The following METTL2A variants were observed in gnomAD, a reference collection of about 807,000 sequenced individuals.
METTL2A encodes the protein tRNA N(3)-cytidine methyltransferase METTL2A.
In METTL2A, 45 loss-of-function variants were observed where a neutral mutation model predicts 49.4. The observed-to-expected ratio is 0.91, with a 90% CI of 0.72 to 1.17. The LOEUF is 1.17. Among genes scored for constraint, METTL2A ranks in the 50% most tolerant of loss-of-function variants. The pLI is 0.00. For synonymous variants in METTL2A, 118 were observed against 167.5 expected (o/e 0.70, Z 2.28); for missense variants, 361 against 462.2 (o/e 0.78, Z 2.01).
chr17:62,452,618 G>A lies in METTL2A; in HGVS notation c.*3889G>A, dbSNP rs973674070. 1.3e-4 allele frequency among the ~76,000 whole-genome samples: 19 copies of A among 151,996 alleles called. No individual in the cohort carries two copies. Among genetic ancestry groups the A allele is most frequent in the Middle Eastern group, 3.2e-3 (1 of 316 alleles). On this transcript the variant is annotated 3_prime_UTR_variant, in exon 9 of 9. Coordinates refer to ENST00000311506, the MANE Select transcript of METTL2A (RefSeq NM_181725.4). ...GGACCCATGGGTATTTGAGTTTCTT[G>A]TGGGGTTATTTGTTGTTGTTTTTGA...
chr17:62,428,596 A>G (rs1041279856), intron 4 of METTL2A, among the ~76,000 whole-genome samples: 1 of 152,228 alleles, frequency 6.6e-6, no homozygotes, highest in African/African-American at 2.4e-5. Flanking sequence ...AGAATGGCTC[A>G]CAGAACTCAG....
At position 62,448,907 on chromosome 17, in the gene METTL2A, C is replaced by A; in HGVS notation, c.*178C>A. The A allele has an allele frequency of 1.3e-6, 1 of 766,270 alleles. No individual in the cohort carries two copies. The highest frequency in any genetic ancestry group is 1.9e-6 in the Non-Finnish European group (1 of 526,914). The allele number at this position is 766,270 out of a possible 1,614,324, so 47.5% of individuals were successfully genotyped here. A position where few individuals can be genotyped will look rare whatever the true frequency, so the allele number is the denominator to read the frequency against. ...GGCAAAATAGTGAGAGACCCTGTAT[C>A]TGAAAGTAATAATAAAAATAAAAAA... On this transcript the variant is annotated 3_prime_UTR_variant, in exon 9 of 9. Coordinates refer to ENST00000311506, the MANE Select transcript of METTL2A (RefSeq NM_181725.4).
At chr17:62,430,398 C>G (rs1203499055) in intron 4 of METTL2A, among the ~76,000 whole-genome samples, 1 of 152,126 alleles carries the variant, frequency 6.6e-6, no homozygotes, top group Non-Finnish European at 1.5e-5. Context: ...TTGCTAGAAC[C>G]CACTTGTTCA....
chr17:62,438,170 G>A (rs1024675532), intron 5 of METTL2A, among the ~76,000 whole-genome samples: 11 of 152,120 alleles, frequency 7.2e-5, no homozygotes, highest in Non-Finnish European at 1.5e-4. Flanking sequence ...ACTTTGGGAG[G>A]CTAAGACGGG....
At chr17:62,443,763 T>C (rs1357060525) in intron 6 of METTL2A, among the ~76,000 whole-genome samples, 2 of 152,154 alleles carry the variant, frequency 1.3e-5, no homozygotes, top group Non-Finnish European at 2.9e-5. Context: ...CTAATTTTTT[T>C]GTATTTTTAG....
intron 7 of METTL2A, among the ~76,000 whole-genome samples, chr17:62,445,779 G>C (rs566332868): frequency 1.3e-5 from 2 of 149,472 alleles, no homozygotes; most frequent in South Asian, 4.2e-4. Flanking sequence ...CCTGGGCAAC[G>C]AGTGAAACTG....
Position 62,444,753 on chromosome 17 carries a change from C to T in METTL2A, c.810-84C>T. The T allele has an allele frequency of 2.2e-6, 3 of 1,379,866 alleles. No homozygotes were observed. The East Asian group carries it at 7.1e-5, about 33-fold the overall frequency. 85.5% of individuals were successfully genotyped at this position (1,379,866 alleles called of 1,614,324 possible). On this transcript the variant is annotated intron_variant, in intron 6 of 8. Coordinates refer to ENST00000311506, the MANE Select transcript of METTL2A (RefSeq NM_181725.4). ...TTGGTGTGTCAGTTGAGGAAGTCCACTGGCTTTTTGGGATATGCTACAGGG... is the reference window on the plus strand; with the variant it reads ...TTGGTGTGTCAGTTGAGGAAGTCCATTGGCTTTTTGGGATATGCTACAGGG...
chr17:62,453,254 T>C lies in METTL2A; in HGVS notation c.*4525T>C, dbSNP rs1316307770. Among the ~76,000 whole-genome samples, 1 of 152,226 alleles carries C rather than the reference T, an allele frequency of 6.6e-6. No homozygotes were observed. Among genetic ancestry groups the C allele is most frequent in the Non-Finnish European group, 1.5e-5 (1 of 68,042 alleles). On this transcript the variant is annotated 3_prime_UTR_variant, in exon 9 of 9. Transcript: ENST00000311506. ...TTTTATCTCTCAGGCCAAATTTGAC[T>C]CTGCAAGGGACTTTGCATAACGTTT...
At chr17:62,446,157 C>G (rs1461221929) in intron 7 of METTL2A, among the ~76,000 whole-genome samples, 1 of 151,448 alleles carries the variant, frequency 6.6e-6, no homozygotes, top group Non-Finnish European at 1.5e-5. Flanking sequence ...GAAATTGTTA[C>G]AGCCTTTTTT....
intron 6 of METTL2A, among the ~76,000 whole-genome samples, chr17:62,443,664 A>G (rs1483159043): frequency 9.9e-5 from 15 of 152,160 alleles, no homozygotes; most frequent in African/African-American, 3.6e-4. Context: ...GTCTTGGCTC[A>G]CTGCAATCTC....
chr17:62,440,775 G>C lies in METTL2A; in HGVS notation c.809+19G>C. The C allele has an allele frequency of 6.2e-7, 1 of 1,600,342 alleles. No homozygotes were observed. The highest frequency in any genetic ancestry group is 8.5e-7 in the Non-Finnish European group (1 of 1,176,254). On this transcript the variant is annotated intron_variant, in intron 6 of 8. Coordinates refer to ENST00000311506, the MANE Select transcript of METTL2A (RefSeq NM_181725.4). ...CAGACAAGTAAGTTTGGGTCCCTTG[G>C]CTGGTAGTGTCACAAAAAGGAAGCT... is the stretch of plus-strand genomic sequence containing the variant.
Position 62,437,971 on chromosome 17 carries a change from C to CA in METTL2A, c.670-2633dup, listed in dbSNP as rs111441483. On this transcript the variant is annotated intron_variant, in intron 5 of 8. Coordinates refer to ENST00000311506, the MANE Select transcript of METTL2A (RefSeq NM_181725.4). Reference sequence around the variant, plus strand: ...TGGGTGACAGAGCAAGACTCCATCTCAAAAAAAAAAAAATGTGTCTGTTAC... The same window carrying CA: ...TGGGTGACAGAGCAAGACTCCATCTCAAAAAAAAAAAAAATGTGTCTGTTAC... Among the ~76,000 whole-genome samples, 301 of 133,908 alleles carry CA rather than the reference C, an allele frequency of 2.2e-3. 1 individual carries two copies. Among genetic ancestry groups the CA allele is most frequent in the African/African-American group, 4.9e-3 (175 of 35,654 alleles). 87.8% of individuals were successfully genotyped at this position (133,908 alleles called of 152,430 possible).
In METTL2A at chr17:62,423,946, A is replaced by G; in HGVS notation, c.44A>G (p.Asp15Gly). ...YPEGAPAVLA[D>G]KRQQFGSRFL... is the part of the protein sequence containing the mutation. The stretch of plus-strand genomic sequence containing the variant: ...GAAGGTGCACCTGCAGTCCTCGCCG[A>G]TAAGAGGCAGCAGTTCGGAAGCCGG... Residue 15 changes from aspartate (D) to glycine (G), a missense_variant, in exon 1 of 9, where the codon GAT (aspartate) becomes GGT (glycine). By Grantham distance (94) the Asp-to-Gly change is moderately conservative (BLOSUM62 -1). Coordinates refer to ENST00000311506, the MANE Select transcript of METTL2A (RefSeq NM_181725.4). 2 of 1,613,856 alleles carry G rather than the reference A, an allele frequency of 1.2e-6. No individual in the cohort carries two copies. Among genetic ancestry groups the G allele is most frequent in the Non-Finnish European group, 1.7e-6 (2 of 1,179,966 alleles).
intron 2 of METTL2A, 90 bp from the exon 3 acceptor site, chr17:62,426,209 G>T (rs1479408100): frequency 3.9e-5 from 51 of 1,299,150 alleles, no homozygotes; most frequent in Non-Finnish European, 5.2e-5. Context: ...TAGTATTAAA[G>T]TGACATTTGG....
chr17:62,442,167 C>G (rs1462229384), intron 6 of METTL2A, among the ~76,000 whole-genome samples: 1 of 152,182 alleles, frequency 6.6e-6, no homozygotes, highest in Non-Finnish European at 1.5e-5. Flanking sequence ...AAGTGTGATA[C>G]AGAATTCTAT....
intron 6 of METTL2A, among the ~76,000 whole-genome samples, chr17:62,441,270 C>T (rs1368891173): frequency 6.6e-6 from 1 of 152,166 alleles, no homozygotes; most frequent in Admixed American, 6.5e-5. Context: ...GAAACTTCTG[C>T]AGTAGTTGGT....
At chr17:62,436,637 C>A (rs2070702177) in intron 5 of METTL2A, among the ~76,000 whole-genome samples, 1 of 152,156 alleles carries the variant, frequency 6.6e-6, no homozygotes, top group South Asian at 2.1e-4. Flanking sequence ...GTAATCTTTG[C>A]TAGTGGACGG....
intron 5 of METTL2A, among the ~76,000 whole-genome samples, chr17:62,440,014 C>T (rs570950046): frequency 6.0e-5 from 9 of 148,924 alleles, no homozygotes; most frequent in South Asian, 4.2e-4. Context: ...TCGTTTTTGC[C>T]GTTACTTTTT....
chr17:62,435,207 G>C, intron 4 of METTL2A, 25 bp from the exon 5 acceptor site: 1 of 1,613,920 alleles, frequency 6.2e-7, no homozygotes, highest in Non-Finnish European at 8.5e-7. Context: ...TAGTCTCATT[G>C]TTCTGTCTTT....
Sources: allele counts gnomAD v4.1 joint callset (sites outside exome capture counted in the v4.1 genomes callset), GRCh38; gene constraint gnomAD v4.1.1; transcripts MANE v1.5; gene names NCBI Gene and HGNC (gene_info 2026-07-23, HGNC 2026-07-21).